ASPM: variants seen among roughly 807,000 people sequenced by gnomAD.
The protein encoded by ASPM is abnormal spindle-like microcephaly-associated protein.
A neutral mutation model predicts 366.4 loss-of-function variants in ASPM; 256 were observed. The observed-to-expected ratio is 0.70, with a 90% CI of 0.63 to 0.77. The LOEUF (loss-of-function observed/expected upper bound fraction) is 0.77, where lower values mean the gene tolerates loss of function less well. Among genes scored for constraint, ASPM ranks in the 30% least tolerant of loss-of-function variants. The pLI, the probability that ASPM is intolerant of heterozygous loss-of-function variation, is 0.00. For missense variants in ASPM, 4,146 were observed against 4,090.4 expected, an observed-to-expected ratio of 1.01 and a Z score of -0.37; for synonymous variants, 1,414 against 1,342.9, an observed-to-expected ratio of 1.05 and a Z score of -1.16.
chr1:197,122,304 AT>A lies in ASPM; in HGVS notation c.3599-4del. 6.2e-7 allele frequency: 1 copy of A among 1,613,686 alleles called. No individual in the cohort carries two copies. The highest frequency in any genetic ancestry group is 8.5e-7 in the Non-Finnish European group (1 of 1,179,742). On this transcript the variant is annotated splice_region_variant and splice_polypyrimidine_tract_variant and intron_variant, in intron 14 of 27. Coordinates refer to ENST00000367409, the MANE Select transcript of ASPM (RefSeq NM_018136.5). ...TTTGTATAGCTCTGAAGTATTTTCT[AT>A]TATGCAGGAGGAAAGGAGAAATTAG...
intron 20 of ASPM, 33 bp from the exon 21 acceptor site, chr1:197,093,294 G>C (rs1296678646): frequency 2.6e-6 from 4 of 1,550,044 alleles, no homozygotes; most frequent in Non-Finnish European, 3.6e-6. Flanking sequence ...AACATTAATG[G>C]GTAGAAAGAA....
chr1:197,135,075 A>T lies in ASPM; in HGVS notation c.2173+21T>A, dbSNP rs764657609. On this transcript the variant is annotated intron_variant, in intron 5 of 27. Coordinates refer to ENST00000367409, the MANE Select transcript of ASPM (RefSeq NM_018136.5). ...ATCTGTTAAAAGTATTATTAAATTT[A>T]AACATTAATTTAACGTTTACCTTCA... 1.5e-5 allele frequency: 22 copies of T among 1,470,242 alleles called. No individual in the cohort carries two copies. The South Asian group carries it at 2.5e-4, about 17-fold the overall frequency. The allele number at this position is 1,470,242 out of a possible 1,614,324, so 91.1% of individuals were successfully genotyped here.
At chr1:197,090,768 A>C in intron 23 of ASPM, 82 bp downstream of exon 23, 1 of 1,311,578 alleles carries the variant, frequency 7.6e-7, no homozygotes, top group Non-Finnish European at 1.1e-6. Flanking sequence ...TAAAATGGTA[A>C]CTATGTTTTT....
At chr1:197,112,318 T>G (rs1657609976) in intron 17 of ASPM, among the ~76,000 whole-genome samples, 2 of 151,852 alleles carry the variant, frequency 1.3e-5, no homozygotes, top group Admixed American at 1.3e-4. Flanking sequence ...TGAGAAAACA[T>G]GGACACACAG....
intron 19 of ASPM, among the ~76,000 whole-genome samples, chr1:197,095,391 C>T (rs1305228714): frequency 6.6e-6 from 1 of 151,630 alleles, no homozygotes; most frequent in Non-Finnish European, 1.5e-5. Flanking sequence ...ATCTTTAAAA[C>T]CATCATTGAT....
chr1:197,113,463 G>A (rs1047889024), intron 17 of ASPM, among the ~76,000 whole-genome samples: 1 of 152,130 alleles, frequency 6.6e-6, no homozygotes, highest in Non-Finnish European at 1.5e-5. Flanking sequence ...GAAACAACTG[G>A]ATAGCCATAT....
At chr1:197,123,699 A>G (rs1459577112) in intron 13 of ASPM, among the ~76,000 whole-genome samples, 1 of 152,146 alleles carries the variant, frequency 6.6e-6, no homozygotes, top group Admixed American at 6.5e-5. Context: ...CTTCATACAG[A>G]AATACAGTGT....
At chr1:197,115,270 G>A (rs116065919) in intron 17 of ASPM, among the ~76,000 whole-genome samples, 2,157 of 152,214 alleles carry the variant, frequency 0.014, 49 homozygotes, top group African/African-American at 0.046. Flanking sequence ...TGAGATTGCT[G>A]CAATTCGGCA....
At chr1:197,137,790 C>A (rs1404424824) in intron 4 of ASPM, among the ~76,000 whole-genome samples, 8 of 152,132 alleles carry the variant, frequency 5.3e-5, no homozygotes, top group Non-Finnish European at 1.0e-4. Flanking sequence ...CTTATTTTTA[C>A]AACTTTGATA....
intron 18 of ASPM, among the ~76,000 whole-genome samples, chr1:197,099,224 A>T (rs1427075559): frequency 6.7e-6 from 1 of 149,904 alleles, no homozygotes; most frequent in African/African-American, 2.5e-5. Context: ...CTGCCAGAGT[A>T]ATTTTTTTTT....
chr1:197,112,198 G>A lies in ASPM; in HGVS notation c.4065+5591C>T, dbSNP rs138334751. On this transcript the variant is annotated intron_variant, in intron 17 of 27. Transcript: ENST00000367409. ...CAGCCACAAGAAAGAATGAAATCAC[G>A]TCCTTTGCAGGGACATGGATGGAGC... Among the ~76,000 whole-genome samples, 642 of 152,214 alleles carry A rather than the reference G, an allele frequency of 4.2e-3. 5 individuals carry two copies. Among genetic ancestry groups the A allele is most frequent in the African/African-American group, 0.015 (625 of 41,518 alleles).
Position 197,093,158 on chromosome 1 carries a change from A to G in ASPM, c.9188T>C (p.Ile3063Thr). 6.2e-7 allele frequency: 1 copy of G among 1,612,406 alleles called. No individual in the cohort carries two copies. The highest frequency in any genetic ancestry group is 8.5e-7 in the Non-Finnish European group (1 of 1,178,872). The change falls in exon 21 of 28, where the codon ATA (isoleucine) becomes ACA (threonine). Residue 3063 changes from isoleucine (I) to threonine (T), a missense_variant. Around this residue, in one of 3 missense-constraint regions of ASPM, gnomAD observed 3,624 missense variants for 3,591.7 expected, o/e 1.01. Transcript: ENST00000367409. ...ATGCTTTCCAGCCTCCCTGGCTCGT[A>G]TATATTTTTGTATGATCAAAGCAGC... is the stretch of plus-strand genomic sequence containing the variant. ...KSAALIIQKY[I>T]RAREAGKHER...
chr1:197,101,485 G>A lies in ASPM; in HGVS notation c.7766C>T (p.Ala2589Val), dbSNP rs763659819. 4.4e-6 allele frequency: 7 copies of A among 1,609,048 alleles called. No individual in the cohort carries two copies. The highest frequency in any genetic ancestry group is 8.5e-7 in the Non-Finnish European group (1 of 1,178,920). Residue 2589 changes from alanine to valine, a missense_variant, in exon 18 of 28, where the codon GCA (alanine) becomes GTA (valine). Around this residue, in one of 3 missense-constraint regions of ASPM, gnomAD observed 3,624 missense variants for 3,591.7 expected, o/e 1.01. Coordinates refer to ENST00000367409, the MANE Select transcript of ASPM (RefSeq NM_018136.5). ...AAATACTTTCTGTTTCTTTTTATTT[G>A]CTCTATATTTTTCTTGTATGATTTT... ...ATKIIQEKYR[A>V]NKKKQKVFQH...
At chr1:197,141,086 C>T (rs987809017) in intron 3 of ASPM, among the ~76,000 whole-genome samples, 1 of 152,078 alleles carries the variant, frequency 6.6e-6, no homozygotes, top group Non-Finnish European at 1.5e-5. Context: ...ACAATAAGAG[C>T]AGGGGTCAGC....
chr1:197,138,996 T>C (rs1015703702), intron 4 of ASPM: 14 of 724,028 alleles, frequency 1.9e-5, no homozygotes, highest in Non-Finnish European at 3.6e-5. Flanking sequence ...CTCTCTGACA[T>C]TGATCATAGC....
intron 18 of ASPM, among the ~76,000 whole-genome samples, chr1:197,098,230 A>AAGTATTT (rs1269536267): frequency 6.6e-6 from 1 of 150,860 alleles, no homozygotes; most frequent in East Asian, 1.9e-4. Flanking sequence ...ATATATATGT[A>AAGTATTT]AGTATTTAGT....
At chr1:197,095,013 T>A in intron 19 of ASPM, among the ~76,000 whole-genome samples, 1 of 151,774 alleles carries the variant, frequency 6.6e-6, no homozygotes, top group Non-Finnish European at 1.5e-5. Context: ...ATATTTTGAT[T>A]CAAGCACACA....
In ASPM at chr1:197,092,397, G is replaced by A. The variant is rs547684871; in HGVS notation, c.9295-341C>T. Among the ~76,000 whole-genome samples, 69 of 151,864 alleles carry A rather than the reference G, an allele frequency of 4.5e-4. No homozygotes were observed. In the Middle Eastern group the frequency reaches 0.01, roughly 22 times the overall value. On this transcript the variant is annotated intron_variant, in intron 21 of 27. Transcript: ENST00000367409. ...TACAGAATTCCAAGCAGAACTCTTG[G>A]AAATGGTGATATTAAATCAGAAAAA... is the stretch of plus-strand genomic sequence containing the variant.
Position 197,094,196 on chromosome 1 carries a change from TGGA to T in ASPM, c.8988-19_8988-17del, listed in dbSNP as rs772663209. 8 of 1,490,984 alleles carry T rather than the reference TGGA, an allele frequency of 5.4e-6. No homozygotes were observed. In the South Asian group the frequency reaches 6.9e-5, roughly 13 times the overall value. 92.4% of individuals were successfully genotyped at this position (1,490,984 alleles called of 1,614,324 possible). ...ATTCAAAAACCTAAAAAGTAGTTAT[TGGA>T]AAGCAATGTCAAATTACTTTAACTT... On this transcript the variant is annotated splice_polypyrimidine_tract_variant and intron_variant, in intron 19 of 27. Coordinates refer to ENST00000367409, the MANE Select transcript of ASPM (RefSeq NM_018136.5).
Sources: gnomAD v4.1 joint callset for allele counts (sites outside exome capture counted in the v4.1 genomes callset) on GRCh38, gnomAD v4.1.1 for gene constraint, gnomAD v4.1.1 regional missense constraint, MANE v1.5 for transcripts, NCBI Gene and HGNC (gene_info 2026-07-23, HGNC 2026-07-21) for gene names.